LYPD6: variants seen among roughly 807,000 people sequenced by gnomAD.
LYPD6 encodes LY6/PLAUR domain containing 6.
In LYPD6, 15 loss-of-function variants were observed where a neutral mutation model predicts 22.7. The observed-to-expected ratio is 0.66, with a 90% CI of 0.44 to 1.02. LYPD6 has a LOEUF of 1.02. Among genes scored for constraint, LYPD6 ranks in the 50% least tolerant of loss-of-function variants. The pLI is 0.00. For synonymous variants in LYPD6, 72 were observed against 77.5 expected (o/e 0.93, Z 0.37); for missense variants, 189 against 208.4 (o/e 0.91, Z 0.57).
At chr2:149,349,657 T>G (rs1289662766) in intron 1 of LYPD6, among the ~76,000 whole-genome samples, 1 of 152,210 alleles carries the variant, frequency 6.6e-6, no homozygotes, top group Non-Finnish European at 1.5e-5. Context: ...TTCCCAATAC[T>G]TTGCTAACAG....
At chr2:149,441,771 A>C (rs1683572355) in intron 2 of LYPD6, among the ~76,000 whole-genome samples, 1 of 152,232 alleles carries the variant, frequency 6.6e-6, no homozygotes, top group African/African-American at 2.4e-5. Flanking sequence ...TGGTAGTCAG[A>C]CATAGTAAGA....
chr2:149,474,873 A>G (rs1360709686), downstream of LYPD6, among the ~76,000 whole-genome samples: 2 of 152,036 alleles, frequency 1.3e-5, no homozygotes, highest in Non-Finnish European at 2.9e-5. Flanking sequence ...GATGCAAGCA[A>G]TTCTCCTGCC....
At chr2:149,337,403 T>C (rs925752214) in intron 1 of LYPD6, among the ~76,000 whole-genome samples, 3 of 152,144 alleles carry the variant, frequency 2.0e-5, no homozygotes, top group Non-Finnish European at 4.4e-5. Flanking sequence ...ACAAAAGTGG[T>C]TTGTGCTGGT....
chr2:149,445,006 T>A (rs555636724), intron 2 of LYPD6, among the ~76,000 whole-genome samples: 159 of 152,328 alleles, frequency 1.0e-3, no homozygotes, highest in Non-Finnish European at 1.9e-3. Context: ...ATATATTTCT[T>A]AAACAATAAA....
intron 1 of LYPD6, among the ~76,000 whole-genome samples, chr2:149,409,902 G>T (rs1185920718): frequency 6.6e-6 from 1 of 152,074 alleles, no homozygotes; most frequent in African/African-American, 2.4e-5. Flanking sequence ...CATCTTAGGG[G>T]GCCTGCAGCA....
chr2:149,366,208 A>G (rs1349711347), intron 1 of LYPD6, among the ~76,000 whole-genome samples: 7 of 152,302 alleles, frequency 4.6e-5, no homozygotes, highest in African/African-American at 1.7e-4. Context: ...TGAGCTTTGT[A>G]TAAGGCTTTT....
At chr2:149,364,228 A>G (rs1681620166) in intron 1 of LYPD6, among the ~76,000 whole-genome samples, 1 of 152,140 alleles carries the variant, frequency 6.6e-6, no homozygotes, top group South Asian at 2.1e-4. Flanking sequence ...TAGGGAATTT[A>G]AAAAGAAAGC....
chr2:149,367,088 A>G (rs538183460), intron 1 of LYPD6, among the ~76,000 whole-genome samples: 2 of 152,226 alleles, frequency 1.3e-5, no homozygotes, highest in African/African-American at 2.4e-5. Flanking sequence ...AGGAGATTGT[A>G]TGAATTATTT....
intron 1 of LYPD6, among the ~76,000 whole-genome samples, chr2:149,410,792 G>A (rs752913251): frequency 1.3e-4 from 20 of 152,152 alleles, no homozygotes; most frequent in Admixed American, 2.6e-4. Flanking sequence ...GCCCTATCAG[G>A]GGCAGGTGAT....
At chr2:149,455,994 G>C (rs895732193) in intron 3 of LYPD6, among the ~76,000 whole-genome samples, 1 of 152,220 alleles carries the variant, frequency 6.6e-6, no homozygotes, top group Non-Finnish European at 1.5e-5. Flanking sequence ...GATTCAGTCA[G>C]TTTGATGAGC....
intron 1 of LYPD6, among the ~76,000 whole-genome samples, chr2:149,334,639 G>T (rs1292597034): frequency 6.6e-6 from 1 of 152,166 alleles, no homozygotes; most frequent in African/African-American, 2.4e-5. Context: ...TGTCCTTGGG[G>T]GCTCCAGTCA....
At chr2:149,348,771 C>A (rs760293865) in intron 1 of LYPD6, among the ~76,000 whole-genome samples, 6 of 152,086 alleles carry the variant, frequency 3.9e-5, no homozygotes, top group Non-Finnish European at 8.8e-5. Flanking sequence ...TTTTAAAGAT[C>A]ACTGGTTACT....
intron 3 of LYPD6, among the ~76,000 whole-genome samples, chr2:149,455,737 G>C (rs1010353900): frequency 1.3e-5 from 2 of 152,134 alleles, no homozygotes; most frequent in African/African-American, 4.8e-5. Flanking sequence ...CCTGACCACT[G>C]TTCACCATAA....
chr2:149,479,934 C>T, the LYPD6 span, among the ~76,000 whole-genome samples: 5 of 152,118 alleles, frequency 3.3e-5, no homozygotes, highest in Non-Finnish European at 7.4e-5. Flanking sequence ...GCACTGGCCA[C>T]ATAGCCTTCC....
intron 3 of LYPD6, among the ~76,000 whole-genome samples, chr2:149,453,030 A>T (rs1680871660): frequency 6.6e-6 from 1 of 152,192 alleles, no homozygotes; most frequent in Non-Finnish European, 1.5e-5. Context: ...GGAGCTTAAG[A>T]TGCTCTCCAT....
chr2:149,457,530 C>T (rs1680989354), intron 3 of LYPD6, among the ~76,000 whole-genome samples: 1 of 152,148 alleles, frequency 6.6e-6, no homozygotes, highest in African/African-American at 2.4e-5. Flanking sequence ...GAGCAATTCC[C>T]TCTTCCCTGC....
At chr2:149,353,843 A>G (rs1410432003) in intron 1 of LYPD6, among the ~76,000 whole-genome samples, 1 of 152,028 alleles carries the variant, frequency 6.6e-6, no homozygotes, top group Non-Finnish European at 1.5e-5. Flanking sequence ...AATTAAATCA[A>G]ATCTTTCTGG....
At chr2:149,368,742 G>A (rs544913669) in intron 1 of LYPD6, among the ~76,000 whole-genome samples, 1 of 152,012 alleles carries the variant, frequency 6.6e-6, no homozygotes, top group Non-Finnish European at 1.5e-5. Flanking sequence ...GGGAGAGGGG[G>A]TCTAAAATAC....
chr2:149,427,294 T>C (rs1683207303), intron 1 of LYPD6, among the ~76,000 whole-genome samples: 3 of 152,030 alleles, frequency 2.0e-5, no homozygotes, highest in African/African-American at 7.3e-5. Context: ...ATCTCTAGGG[T>C]AAAAATTCCT....
Sources: allele counts gnomAD v4.1 joint callset (sites outside exome capture counted in the v4.1 genomes callset), GRCh38; gene constraint gnomAD v4.1.1; transcripts MANE v1.5; gene names NCBI Gene and HGNC (gene_info 2026-07-23, HGNC 2026-07-21).